Variants in CDNF observed in about 807,000 individuals in gnomAD.
CDNF encodes cerebral dopamine neurotrophic factor, also known as ARMET-like protein 1.
Under a neutral mutation model 14.8 loss-of-function variants are expected in CDNF, and 9 were observed. The ratio of observed to expected loss-of-function variants is 0.61; its 90% CI spans 0.37 to 1.06. CDNF has a LOEUF of 1.06. Ranked by LOEUF, CDNF falls within the 50% of genes least tolerant of loss-of-function variation. The pLI, the probability that CDNF is intolerant of heterozygous loss-of-function variation, is 0.01. For missense variants in CDNF, 228 were observed against 228.4 expected, an observed-to-expected ratio of 1.00 and a Z score of 0.01; for synonymous variants, 86 against 87.2, an observed-to-expected ratio of 0.99 and a Z score of 0.07.
Position 14,831,543 on chromosome 10 carries a change from C to CAT in CDNF, c.116-3273_116-3272dup, listed in dbSNP as rs200375518. Among the ~76,000 whole-genome samples, 873 of 146,140 alleles carry CAT rather than the reference C, an allele frequency of 6.0e-3. 11 individuals carry two copies. The highest frequency in any genetic ancestry group is 0.02 in the African/African-American group (790 of 39,574). ...AATACATATATACACATATATAATACATATATACACACACACACACACACA... is the reference window on the plus strand; with the variant it reads ...AATACATATATACACATATATAATACATATATATACACACACACACACACACA... On this transcript the variant is annotated intron_variant, in intron 1 of 3. Coordinates refer to ENST00000465530, the MANE Select transcript of CDNF (RefSeq NM_001029954.3).
chr10:14,819,924 C>G lies in CDNF; in HGVS notation c.*56G>C. 3 of 1,507,414 alleles carry G rather than the reference C, an allele frequency of 2.0e-6. No homozygotes were observed. The highest frequency in any genetic ancestry group is 2.7e-6 in the Non-Finnish European group (3 of 1,098,814). The allele number at this position is 1,507,414 out of a possible 1,614,324, so 93.4% of individuals were successfully genotyped here. A position where few individuals can be genotyped will look rare whatever the true frequency, so the allele number is the denominator to read the frequency against. On this transcript the variant is annotated 3_prime_UTR_variant, in exon 4 of 4. Coordinates refer to ENST00000465530, the MANE Select transcript of CDNF (RefSeq NM_001029954.3). ...TTATCCTTAATCAACATGTCCATAT[C>G]CTAGAGAGTCACTTTTCTCTCTAAT... is the stretch of plus-strand genomic sequence containing the variant.
At chr10:14,833,673 G>A (rs963680941) in intron 1 of CDNF, among the ~76,000 whole-genome samples, 7 of 152,032 alleles carry the variant, frequency 4.6e-5, no homozygotes, top group African/African-American at 1.7e-4. Context: ...GATCTAGGAT[G>A]ACTATATAAA....
At chr10:14,825,993 A>AAGC (rs1385351446) in intron 2 of CDNF, among the ~76,000 whole-genome samples, 11 of 145,974 alleles carry the variant, frequency 7.5e-5, no homozygotes, top group Non-Finnish European at 1.2e-4. Flanking sequence ...GGAGAAGAAG[A>AAGC]AGCAGCAGAA....
At chr10:14,831,717 G>A (rs1833845556) in intron 1 of CDNF, among the ~76,000 whole-genome samples, 1 of 151,876 alleles carries the variant, frequency 6.6e-6, no homozygotes, top group African/African-American at 2.4e-5. Flanking sequence ...TGGGACTAAT[G>A]GCGTGTGCCA....
intron 2 of CDNF, among the ~76,000 whole-genome samples, chr10:14,826,029 G>GGAGAAGA (rs1833779001): frequency 2.3e-5 from 2 of 86,114 alleles, no homozygotes; most frequent in Non-Finnish European, 4.3e-5. Context: ...GAAGAAGAAG[G>GGAGAAGA]AGAAGAAGAA....
At chr10:14,836,204 C>T (rs1193158652) in intron 1 of CDNF, 1 of 152,134 alleles carries the variant, frequency 6.6e-6, no homozygotes, top group Non-Finnish European at 1.5e-5. Context: ...GAGGATCACT[C>T]ATAAGCAGTA....
intron 1 of CDNF, among the ~76,000 whole-genome samples, chr10:14,831,608 C>T (rs1564315354): frequency 6.6e-6 from 1 of 151,666 alleles, no homozygotes; most frequent in Non-Finnish European, 1.5e-5. Flanking sequence ...GAGTCTCGCT[C>T]TGTTGCCTAG....
chr10:14,822,515 G>A (rs1033754553), intron 3 of CDNF, among the ~76,000 whole-genome samples: 2 of 151,934 alleles, frequency 1.3e-5, no homozygotes, highest in African/African-American at 4.8e-5. Flanking sequence ...GGCTGAGGTT[G>A]CAGTAAGCAG....
intron 1 of CDNF, among the ~76,000 whole-genome samples, chr10:14,833,888 C>T (rs1372456654): frequency 1.3e-5 from 2 of 152,118 alleles, no homozygotes; most frequent in African/African-American, 4.8e-5. Flanking sequence ...TTCCAAAAGG[C>T]AAGTGAACAC....
At chr10:14,828,046 G>A in intron 2 of CDNF, 99 bp downstream of exon 2, 2 of 1,213,120 alleles carry the variant, frequency 1.6e-6, no homozygotes, top group South Asian at 1.4e-5. Context: ...ACATACTTGA[G>A]GCAAACATGT....
chr10:14,820,588 C>T (rs527984885), intron 3 of CDNF, among the ~76,000 whole-genome samples: 20 of 152,010 alleles, frequency 1.3e-4, no homozygotes, highest in South Asian at 6.2e-4. Flanking sequence ...AAAAATTAGC[C>T]GGGCATGGCG....
intron 1 of CDNF, among the ~76,000 whole-genome samples, chr10:14,833,959 A>G (rs886309810): frequency 1.3e-5 from 2 of 152,244 alleles, no homozygotes; most frequent in Non-Finnish European, 2.9e-5. Context: ...GATCCCTCTC[A>G]ACATGTATTT....
chr10:14,834,174 C>G (rs907766420), intron 1 of CDNF: 1 of 151,960 alleles, frequency 6.6e-6, no homozygotes, highest in African/African-American at 2.4e-5. Flanking sequence ...AACTTCATCT[C>G]TATTAAAAAT....
intron 1 of CDNF, among the ~76,000 whole-genome samples, chr10:14,832,852 CTTTTT>C (rs918887413): frequency 8.7e-5 from 7 of 80,494 alleles, no homozygotes; most frequent in Admixed American, 3.2e-4. Flanking sequence ...TCTTTTTTTG[CTTTTT>C]TTTTTTTTTT....
At chr10:14,826,506 G>C (rs541790982) in intron 2 of CDNF, among the ~76,000 whole-genome samples, 1 of 149,484 alleles carries the variant, frequency 6.7e-6, no homozygotes, top group Admixed American at 6.6e-5. Context: ...AGAAGAAAAA[G>C]AAGCAGCAGA....
intron 3 of CDNF, among the ~76,000 whole-genome samples, chr10:14,820,396 T>C (rs1030882684): frequency 1.3e-5 from 2 of 152,002 alleles, no homozygotes; most frequent in African/African-American, 4.8e-5. Context: ...ATCAAAAATA[T>C]TCTAAACAAA....
intron 2 of CDNF, among the ~76,000 whole-genome samples, chr10:14,826,546 G>T (rs1228971890): frequency 6.6e-6 from 1 of 152,164 alleles, no homozygotes; most frequent in Non-Finnish European, 1.5e-5. Context: ...GAAGAAAGAA[G>T]AAGAGAGGTT....
Position 14,820,127 on chromosome 10 carries a change from C to G in CDNF, c.417G>C (p.Leu139=). The part of the protein sequence containing the change: ...EKTLDLASVD[L]RKMRVAELKQ... ...TCAGCTCTGCCACTCTCATCTTCCG[C>G]AGGTCAACTGATGCCAAGTCCAGTG... The change falls in exon 4 of 4, where the codon CTG becomes CTC. Residue 139 remains leucine (L), a synonymous_variant. Transcript: ENST00000465530. The G allele has an allele frequency of 1.9e-6, 3 of 1,614,066 alleles. No individual in the cohort carries two copies. Among genetic ancestry groups the G allele is most frequent in the Non-Finnish European group, 2.5e-6 (3 of 1,180,014 alleles).
Position 14,819,840 on chromosome 10 carries a change from A to C in CDNF, c.*140T>G. On this transcript the variant is annotated 3_prime_UTR_variant, in exon 4 of 4. Coordinates refer to ENST00000465530, the MANE Select transcript of CDNF (RefSeq NM_001029954.3). ...GTTTCACTCATAAACCCACGTAACA[A>C]AATTCTGAGGAATAATACCAACACA... is the stretch of plus-strand genomic sequence containing the variant. 3.6e-6 allele frequency: 3 copies of C among 842,916 alleles called. No homozygotes were observed. The highest frequency in any genetic ancestry group is 5.5e-6 in the Non-Finnish European group (3 of 546,404). 52.2% of individuals were successfully genotyped at this position (842,916 alleles called of 1,614,324 possible).
Sources: gnomAD v4.1 joint callset for allele counts (sites outside exome capture counted in the v4.1 genomes callset) on GRCh38, gnomAD v4.1.1 for gene constraint, MANE v1.5 for transcripts, NCBI Gene and HGNC (gene_info 2026-07-23, HGNC 2026-07-21) for gene names.